The following PTPRD variants were observed in gnomAD, a reference collection of about 807,000 sequenced individuals.
The protein encoded by PTPRD is protein tyrosine phosphatase receptor type D.
A neutral mutation model predicts 214.5 loss-of-function variants in PTPRD; 34 were observed. That is an observed-to-expected ratio of 0.16 (90% confidence interval 0.12 to 0.21). The LOEUF (loss-of-function observed/expected upper bound fraction) is 0.21, where lower values mean the gene tolerates loss of function less well. PTPRD is among the 10% of genes least tolerant of loss of function. The probability of loss-of-function intolerance (pLI) is 1.00; values close to 1 mark genes in which losing one functional copy is unlikely to be tolerated. For missense variants in PTPRD, 2,545 were observed against 2,398.7 expected (o/e 1.06, Z -1.27); for synonymous variants, 1,128 against 845.7 (o/e 1.33, Z -5.79).
chr9:10,152,477 C>T (rs1261252367), intron 3 of PTPRD, among the ~76,000 whole-genome samples: 1 of 151,988 alleles, frequency 6.6e-6, no homozygotes, highest in African/African-American at 2.4e-5. Context: ...TCTCTTAAAA[C>T]GTCTTTGAAA....
chr9:8,857,332 C>G (rs1312175978), intron 11 of PTPRD, among the ~76,000 whole-genome samples: 1 of 152,174 alleles, frequency 6.6e-6, no homozygotes, highest in East Asian at 1.9e-4. Context: ...ACTACGCCCA[C>G]CCTAGGAGGA....
At chr9:9,649,916 T>C (rs964561825) in intron 7 of PTPRD, among the ~76,000 whole-genome samples, 1 of 152,136 alleles carries the variant, frequency 6.6e-6, no homozygotes, top group Non-Finnish European at 1.5e-5. Context: ...CAATCAAGTT[T>C]TAGAAATGTG....
intron 8 of PTPRD, among the ~76,000 whole-genome samples, chr9:9,417,952 G>A (rs1207539770): frequency 6.6e-6 from 1 of 151,978 alleles, no homozygotes; most frequent in East Asian, 1.9e-4. Context: ...ATTAGATCCT[G>A]TTTCCAATTG....
Position 8,486,260 on chromosome 9 carries a change from G to T in PTPRD, c.2557C>A (p.Leu853Ile), listed in dbSNP as rs747173505. Residue 853 changes from leucine to isoleucine, a missense_variant, in exon 28 of 46, where the codon CTT (leucine) becomes ATT (isoleucine). Coordinates refer to ENST00000381196, the MANE Select transcript of PTPRD (RefSeq NM_002839.4). ...CCAAATTTTAGACGGTAGCCCTGAAGAGGTCCAAATGTGTCCACCGGAGGG... is the reference window on the plus strand; with the variant it reads ...CCAAATTTTAGACGGTAGCCCTGAATAGGTCCAAATGTGTCCACCGGAGGG... ...WHPPVDTFGPLQGYRLKFGRK... is the reference protein window; with the variant it reads ...WHPPVDTFGPIQGYRLKFGRK... 3 of 1,614,200 alleles carry T rather than the reference G, an allele frequency of 1.9e-6. No individual in the cohort carries two copies. Among genetic ancestry groups the T allele is most frequent in the Non-Finnish European group, 2.5e-6 (3 of 1,180,026 alleles).
intron 26 of PTPRD, among the ~76,000 whole-genome samples, chr9:8,496,676 A>C (rs1028003596): frequency 2.6e-5 from 4 of 152,312 alleles, no homozygotes; most frequent in Admixed American, 6.5e-5. Context: ...ATATCTTGTT[A>C]TCTACTGGAT....
intron 2 of PTPRD, among the ~76,000 whole-genome samples, chr9:10,595,451 G>C (rs1317467590): frequency 6.6e-6 from 1 of 151,280 alleles, no homozygotes; most frequent in African/African-American, 2.4e-5. Flanking sequence ...TTCTGCAAAG[G>C]GAAGCAAAGT....
At chr9:8,436,985 T>A (rs1251405297) in intron 34 of PTPRD, among the ~76,000 whole-genome samples, 1 of 152,222 alleles carries the variant, frequency 6.6e-6, no homozygotes, top group Non-Finnish European at 1.5e-5. Context: ...TGGAAAAAAC[T>A]GACAGTCAGG....
intron 13 of PTPRD, among the ~76,000 whole-genome samples, chr9:8,635,373 T>C (rs2096398542): frequency 6.6e-6 from 1 of 151,858 alleles, no homozygotes. Flanking sequence ...CAAAGATGCA[T>C]ACATACATCA....
chr9:9,778,923 A>C (rs999490486), intron 5 of PTPRD, among the ~76,000 whole-genome samples: 3 of 151,944 alleles, frequency 2.0e-5, no homozygotes, highest in Non-Finnish European at 2.9e-5. Context: ...TAAAAAGAAC[A>C]AAGCCAGGGC....
chr9:9,005,273 G>C (rs2099456244), intron 11 of PTPRD, among the ~76,000 whole-genome samples: 1 of 152,038 alleles, frequency 6.6e-6, no homozygotes, highest in South Asian at 2.1e-4. Context: ...CTCCATCTGA[G>C]TGACAATTTG....
intron 5 of PTPRD, among the ~76,000 whole-genome samples, chr9:9,802,039 T>C (rs1335450572): frequency 6.6e-6 from 1 of 152,132 alleles, no homozygotes; most frequent in African/African-American, 2.4e-5. Flanking sequence ...TTTCATCTTA[T>C]GCATTTCAAA....
At chr9:8,394,819 T>G (rs556474687) in intron 36 of PTPRD, among the ~76,000 whole-genome samples, 6 of 152,266 alleles carry the variant, frequency 3.9e-5, no homozygotes, top group Admixed American at 3.3e-4. Context: ...GATTTTTCAC[T>G]GAGGCTGCTA....
chr9:9,745,914 T>G (rs1328751032), intron 6 of PTPRD, among the ~76,000 whole-genome samples: 1 of 152,126 alleles, frequency 6.6e-6, no homozygotes, highest in Non-Finnish European at 1.5e-5. Flanking sequence ...TAGGCTTTAA[T>G]AATAAACACA....
In PTPRD at chr9:8,525,027, G is replaced by T. The variant is rs1226656890; in HGVS notation, c.577C>A (p.Gln193Lys). The T allele has an allele frequency of 1.2e-6, 2 of 1,613,070 alleles. No homozygotes were observed. The highest frequency in any genetic ancestry group is 1.7e-6 in the Non-Finnish European group (2 of 1,179,196). ...TCAGACTCTTCACTCTGCTCAATCT[G>T]AAGGGCTCCTGTATGGATATAAAAT... is the stretch of plus-strand genomic sequence containing the variant. The part of the protein sequence containing the change: ...IGGTPIRGAL[Q>K]IEQSEESDQG... Residue 193 changes from glutamine (Q) to lysine (K), a missense_variant, in exon 18 of 46, where the codon CAG becomes AAG. Gln to Lys is a moderately conservative substitution (Grantham distance 53). Transcript: ENST00000381196.
chr9:10,401,545 T>TA (rs2098269635), intron 2 of PTPRD, among the ~76,000 whole-genome samples: 1 of 150,492 alleles, frequency 6.6e-6, no homozygotes, highest in Non-Finnish European at 1.5e-5. Context: ...ATATCTGTGG[T>TA]GTAACAGTAT....
intron 4 of PTPRD, among the ~76,000 whole-genome samples, chr9:10,006,991 A>T (rs2096491270): frequency 6.6e-6 from 1 of 152,042 alleles, no homozygotes; most frequent in East Asian, 1.9e-4. Context: ...AATAATTTTA[A>T]TGTAACAAAT....
chr9:9,397,612 G>A (rs537101192), intron 8 of PTPRD, 130 bp from the exon 9 acceptor site: 138 of 152,190 alleles, frequency 9.1e-4, no homozygotes, highest in African/African-American at 2.6e-3. Context: ...ATGAAGATAC[G>A]TTATCTGACC....
intron 10 of PTPRD, among the ~76,000 whole-genome samples, chr9:9,106,730 A>C (rs2099799186): frequency 6.6e-6 from 1 of 151,634 alleles, no homozygotes; most frequent in Admixed American, 6.6e-5. Flanking sequence ...TTGGTGATTT[A>C]AATGCTCATT....
chr9:8,341,428 T>C (rs1852316533), intron 40 of PTPRD, among the ~76,000 whole-genome samples, 160 bp from the exon 41 acceptor site: 1 of 152,098 alleles, frequency 6.6e-6, no homozygotes, highest in African/African-American at 2.4e-5. Context: ...ATCTACCTAA[T>C]CACTCTCTAT....
Sources: gnomAD v4.1 joint callset for allele counts (sites outside exome capture counted in the v4.1 genomes callset) on GRCh38, gnomAD v4.1.1 for gene constraint, MANE v1.5 for transcripts, NCBI Gene and HGNC (gene_info 2026-07-23, HGNC 2026-07-21) for gene names.